ARMC8: variants seen among roughly 807,000 people sequenced by gnomAD.
ARMC8 encodes armadillo repeat containing 8, also known as armadillo repeat-containing protein 8.
ARMC8 carries 20 observed loss-of-function variants against 99.3 expected under a neutral mutation model. That is an observed-to-expected ratio of 0.20 (90% CI 0.14 to 0.29). The LOEUF is 0.29. Among genes scored for constraint, ARMC8 ranks in the 10% least tolerant of loss-of-function variants. The pLI, the probability that ARMC8 is intolerant of heterozygous loss-of-function variation, is 1.00. For synonymous variants in ARMC8, 263 were observed against 278.3 expected, an observed-to-expected ratio of 0.95 and a Z score of 0.55; for missense variants, 569 against 809.5, an observed-to-expected ratio of 0.70 and a Z score of 3.60.
chr3:138,259,554 C>G (rs2047565597), intron 12 of ARMC8, among the ~76,000 whole-genome samples: 3 of 152,220 alleles, frequency 2.0e-5, no homozygotes, highest in Non-Finnish European at 4.4e-5. Flanking sequence ...ACCAGAGATT[C>G]AAGCATGCTT....
Position 138,241,948 on chromosome 3 carries a change from C to T in ARMC8, c.1003C>T (p.Pro335Ser). 6.2e-7 allele frequency: 1 copy of T among 1,613,996 alleles called. No individual in the cohort carries two copies. Among genetic ancestry groups the T allele is most frequent in the Non-Finnish European group, 8.5e-7 (1 of 1,179,950 alleles). The change falls in exon 11 of 22, where the codon CCC becomes TCC. Residue 335 changes from proline (P) to serine (S), a missense_variant. Around this residue, in one of 2 missense-constraint regions of ARMC8, gnomAD observed 227 missense variants for 417.9 expected, o/e 0.54. Transcript: ENST00000469044. ...IAMLADYFKY[P>S]SSVSAITDIK... ...CATGCTTGCTGATTATTTCAAGTAT[C>T]CCAGCTCAGTGAGTGCCATCACTGA...
chr3:138,249,130 AAC>A (rs1237618248), intron 12 of ARMC8, among the ~76,000 whole-genome samples: 11 of 152,176 alleles, frequency 7.2e-5, no homozygotes, highest in African/African-American at 2.7e-4. Flanking sequence ...TGAAAAAATG[AAC>A]ACACAGACAA....
chr3:138,246,556 T>A (rs1306379560), intron 12 of ARMC8: 1 of 985,550 alleles, frequency 1.0e-6, no homozygotes, highest in Non-Finnish European at 1.2e-6. Flanking sequence ...TTAGGATGGT[T>A]ATTAGGGCCC....
At chr3:138,251,139 C>T (rs1410088361) in intron 12 of ARMC8, among the ~76,000 whole-genome samples, 1 of 151,810 alleles carries the variant, frequency 6.6e-6, no homozygotes. Flanking sequence ...TGCACTACAG[C>T]CTAGGTGACA....
chr3:138,221,058 A>G (rs929942093), intron 2 of ARMC8, among the ~76,000 whole-genome samples: 9 of 152,004 alleles, frequency 5.9e-5, no homozygotes, highest in Non-Finnish European at 1.0e-4. Flanking sequence ...TTTTCTCTAC[A>G]TTTCCTTTTG....
At chr3:138,272,505 T>C (rs1391420196) in intron 16 of ARMC8, among the ~76,000 whole-genome samples, 3 of 152,180 alleles carry the variant, frequency 2.0e-5, no homozygotes, top group Admixed American at 1.3e-4. Context: ...GACAGAAATA[T>C]AGGTGATTAA....
chr3:138,232,087 C>T (rs1205467800), intron 6 of ARMC8, among the ~76,000 whole-genome samples: 1 of 149,622 alleles, frequency 6.7e-6, no homozygotes, highest in Non-Finnish European at 1.5e-5. Context: ...TCTCCTGCCA[C>T]AGCCTCCCGA....
chr3:138,283,090 CTATTGGACTATACAATT>C (rs2050097420), intron 18 of ARMC8, among the ~76,000 whole-genome samples: 1 of 152,330 alleles, frequency 6.6e-6, no homozygotes, highest in Admixed American at 6.5e-5. Flanking sequence ...GTTTGCTTAG[CTATTGGACTATACAATT>C]TATGTTTCAT....
chr3:138,228,079 A>G (rs1477247888), intron 5 of ARMC8, among the ~76,000 whole-genome samples: 1 of 152,144 alleles, frequency 6.6e-6, no homozygotes, highest in Non-Finnish European at 1.5e-5. Context: ...TCTCCGATTC[A>G]AGTGATTCTT....
chr3:138,280,577 T>A (rs1193671318), intron 18 of ARMC8, among the ~76,000 whole-genome samples: 2 of 151,126 alleles, frequency 1.3e-5, no homozygotes, highest in African/African-American at 4.9e-5. Context: ...CACTGCAAGC[T>A]CCGTCTTCCG....
chr3:138,213,424 TG>T (rs1201650908), intron 2 of ARMC8, among the ~76,000 whole-genome samples: 1 of 152,216 alleles, frequency 6.6e-6, no homozygotes, highest in African/African-American at 2.4e-5. Context: ...ATTGTCCTGT[TG>T]TGTAAAAGGT....
intron 2 of ARMC8, among the ~76,000 whole-genome samples, chr3:138,212,767 G>A (rs2044775749): frequency 6.6e-6 from 1 of 152,108 alleles, no homozygotes; most frequent in Admixed American, 6.5e-5. Flanking sequence ...AAAATAGGTA[G>A]GTAGAAAGAT....
chr3:138,293,555 GGAA>G (rs1331813405), intron 21 of ARMC8, among the ~76,000 whole-genome samples: 2 of 151,842 alleles, frequency 1.3e-5, no homozygotes, highest in East Asian at 1.9e-4. Flanking sequence ...AAAGAAAAGA[GGAA>G]GAAGAACTAA....
chr3:138,188,969 A>T (rs1028522522), intron 1 of ARMC8, among the ~76,000 whole-genome samples: 1 of 152,180 alleles, frequency 6.6e-6, no homozygotes. Context: ...TGTAATACCC[A>T]GGAATATTCT....
At chr3:138,218,095 G>A (rs2045177860) in intron 2 of ARMC8, among the ~76,000 whole-genome samples, 1 of 152,108 alleles carries the variant, frequency 6.6e-6, no homozygotes, top group Non-Finnish European at 1.5e-5. Flanking sequence ...GTATATAAGG[G>A]TGAATAATGT....
intron 2 of ARMC8, among the ~76,000 whole-genome samples, chr3:138,213,264 A>G (rs1024909554): frequency 6.6e-6 from 1 of 152,256 alleles, no homozygotes; most frequent in Non-Finnish European, 1.5e-5. Flanking sequence ...GATAGCTCAC[A>G]TCACAGTGAA....
At chr3:138,200,311 A>G (rs895502211) in intron 1 of ARMC8, among the ~76,000 whole-genome samples, 3 of 152,140 alleles carry the variant, frequency 2.0e-5, no homozygotes, top group African/African-American at 7.2e-5. Context: ...GCAGACTGAT[A>G]TATGTTGTAA....
At chr3:138,235,362 A>G (rs990765596) in intron 7 of ARMC8, among the ~76,000 whole-genome samples, 3 of 152,116 alleles carry the variant, frequency 2.0e-5, no homozygotes, top group African/African-American at 7.2e-5. Context: ...TAAATTTAAA[A>G]TCTTTTTTGG....
Position 138,221,928 on chromosome 3 carries a change from A to C in ARMC8, c.125A>C (p.Asp42Ala), listed in dbSNP as rs1411152191. The change falls in exon 3 of 22, where the codon GAC becomes GCC. Residue 42 changes from aspartate (D) to alanine (A), a missense_variant and splice_region_variant. Asp to Ala is a moderately radical substitution (Grantham distance 126, BLOSUM62 -2). Transcript: ENST00000469044. Reference sequence around the variant, plus strand: ...ATTTTTTCTTCCCCTTAATTCAGAGACATGAAAAATGCTGTAATTGGAAAC... The same window carrying C: ...ATTTTTTCTTCCCCTTAATTCAGAGCCATGAAAAATGCTGTAATTGGAAAC... ...DPQKVLQGVI[D>A]MKNAVIGNNK... The C allele has an allele frequency of 9.3e-6, 15 of 1,611,738 alleles. No individual in the cohort carries two copies. Among genetic ancestry groups the C allele is most frequent in the Non-Finnish European group, 1.3e-5 (15 of 1,178,120 alleles).
Sources: allele counts gnomAD v4.1 joint callset (sites outside exome capture counted in the v4.1 genomes callset), GRCh38; gene constraint gnomAD v4.1.1; regional missense constraint gnomAD v4.1.1; transcripts MANE v1.5; gene names NCBI Gene and HGNC (gene_info 2026-07-23, HGNC 2026-07-21).